Variants in CCDC148 observed in about 807,000 individuals in gnomAD.
The protein encoded by CCDC148 is coiled-coil domain containing 148, also known as coiled-coil domain-containing protein 148.
Under a neutral mutation model 85.7 loss-of-function variants are expected in CCDC148, and 89 were observed. The ratio of observed to expected loss-of-function variants is 1.04; its 90% CI spans 0.87 to 1.24. CCDC148 has a LOEUF of 1.24. CCDC148 is among the 50% of genes most tolerant of loss of function. The pLI is 0.00. For missense variants in CCDC148, 692 were observed against 671.7 expected (o/e 1.03, Z -0.33); for synonymous variants, 230 against 213.9 (o/e 1.08, Z -0.66).
Position 158,382,021 on chromosome 2 carries a change from T to G in CCDC148, c.26-23451A>C, listed in dbSNP as rs145540011. Among the ~76,000 whole-genome samples the G allele has an allele frequency of 9.6e-3, 1,457 of 152,288 alleles. 19 individuals carry two copies. The highest frequency in any genetic ancestry group is 0.032 in the African/African-American group (1,350 of 41,556). On this transcript the variant is annotated intron_variant, in intron 1 of 13. Coordinates refer to ENST00000283233, the MANE Select transcript of CCDC148 (RefSeq NM_138803.4). ...TTAAGTCATGAGGGCTTCTTTCTTC[T>G]GAATGGGATTAGTGTCCTTACAAAA...
intron 1 of CCDC148, among the ~76,000 whole-genome samples, chr2:158,384,323 A>G (rs1333387915): frequency 2.6e-5 from 4 of 152,126 alleles, no homozygotes; most frequent in Non-Finnish European, 4.4e-5. Context: ...GTTTTATTCA[A>G]TGGTGATACA....
intron 1 of CCDC148, among the ~76,000 whole-genome samples, chr2:158,437,327 G>A (rs1451274061): frequency 1.3e-5 from 2 of 152,042 alleles, no homozygotes; most frequent in African/African-American, 2.4e-5. Flanking sequence ...TTCAACATAC[G>A]CAAATCAATA....
intron 1 of CCDC148, among the ~76,000 whole-genome samples, chr2:158,416,796 C>G (rs761125846): frequency 3.9e-5 from 6 of 152,178 alleles, no homozygotes; most frequent in Non-Finnish European, 7.4e-5. Flanking sequence ...ATCTTTATAG[C>G]AATGCCCCAC....
At chr2:158,224,783 TA>T (rs1159904043) in intron 10 of CCDC148, among the ~76,000 whole-genome samples, 2 of 152,126 alleles carry the variant, frequency 1.3e-5, no homozygotes, top group Non-Finnish European at 2.9e-5. Context: ...AGGCCTGCCC[TA>T]AAAGAGCTCC....
chr2:158,418,365 T>A (rs1375848850), intron 1 of CCDC148, among the ~76,000 whole-genome samples: 1 of 152,196 alleles, frequency 6.6e-6, no homozygotes, highest in Non-Finnish European at 1.5e-5. Context: ...AAGTCCAATA[T>A]AATAATATCA....
chr2:158,292,552 C>G (rs770435371), intron 9 of CCDC148, among the ~76,000 whole-genome samples: 10 of 152,172 alleles, frequency 6.6e-5, no homozygotes, highest in Non-Finnish European at 1.5e-4. Context: ...CCATCCGGAG[C>G]TAAGAGCAAG....
At chr2:158,281,894 C>A (rs1450223211) in intron 9 of CCDC148, among the ~76,000 whole-genome samples, 7 of 152,134 alleles carry the variant, frequency 4.6e-5, no homozygotes, top group East Asian at 3.9e-4. Flanking sequence ...TACTGGCAAA[C>A]CGAATCCAGC....
chr2:158,339,101 A>G lies in CCDC148; in HGVS notation c.487-16T>C. ...CAAAGTCAACCTATAGGACATTTGG[A>G]ACAAGTAGTAGGCAAATTATTGCAA... On this transcript the variant is annotated splice_polypyrimidine_tract_variant and intron_variant, in intron 5 of 13. Coordinates refer to ENST00000283233, the MANE Select transcript of CCDC148 (RefSeq NM_138803.4). The G allele has an allele frequency of 6.4e-7, 1 of 1,561,180 alleles. No homozygotes were observed.
chr2:158,375,139 C>T (rs1426043235), intron 1 of CCDC148, among the ~76,000 whole-genome samples: 2 of 151,982 alleles, frequency 1.3e-5, no homozygotes, highest in African/African-American at 4.8e-5. Flanking sequence ...CAAGTGGGTT[C>T]TACTGGTGAG....
At chr2:158,427,070 A>C (rs868143252) in intron 1 of CCDC148, among the ~76,000 whole-genome samples, 1 of 152,200 alleles carries the variant, frequency 6.6e-6, no homozygotes, top group Non-Finnish European at 1.5e-5. Flanking sequence ...GAAATAAATA[A>C]AAATAATAAA....
intron 7 of CCDC148, among the ~76,000 whole-genome samples, chr2:158,327,370 G>C (rs1280809363): frequency 6.6e-6 from 1 of 152,168 alleles, no homozygotes; most frequent in Admixed American, 6.6e-5. Flanking sequence ...AATAGTTTAT[G>C]ACTACATATT....
At chr2:158,438,353 T>G (rs996541268) in intron 1 of CCDC148, among the ~76,000 whole-genome samples, 1 of 152,072 alleles carries the variant, frequency 6.6e-6, no homozygotes, top group Non-Finnish European at 1.5e-5. Flanking sequence ...TTGACAAACC[T>G]GACAAAAACA....
Position 158,353,110 on chromosome 2 carries a change from C to T in CCDC148, c.147+5339G>A, listed in dbSNP as rs184937829. Reference sequence around the variant, plus strand: ...ACGGAAAAGAACAACCGGTACCAGCCGCTGCAAAATCATGCCAAAATGTAA... The same window carrying T: ...ACGGAAAAGAACAACCGGTACCAGCTGCTGCAAAATCATGCCAAAATGTAA... On this transcript the variant is annotated intron_variant, in intron 2 of 13. Coordinates refer to ENST00000283233, the MANE Select transcript of CCDC148 (RefSeq NM_138803.4). Among the ~76,000 whole-genome samples, 952 of 151,362 alleles carry T rather than the reference C, an allele frequency of 6.3e-3. 10 individuals are homozygous for T. Among genetic ancestry groups the T allele is most frequent in the Admixed American group, 0.013 (192 of 15,186 alleles).
intron 10 of CCDC148, among the ~76,000 whole-genome samples, chr2:158,242,416 T>C (rs1370709770): frequency 6.6e-6 from 1 of 152,168 alleles, no homozygotes; most frequent in Non-Finnish European, 1.5e-5. Context: ...TGCATTTTCT[T>C]ATCATACAAA....
chr2:158,201,783 T>TA (rs550047928), intron 11 of CCDC148, among the ~76,000 whole-genome samples: 120 of 152,216 alleles, frequency 7.9e-4, no homozygotes, highest in African/African-American at 2.6e-3. Context: ...TGGGAGGGGT[T>TA]AAAAAAACAT....
At chr2:158,373,787 A>C (rs1684544841) in intron 1 of CCDC148, among the ~76,000 whole-genome samples, 1 of 151,940 alleles carries the variant, frequency 6.6e-6, no homozygotes. Context: ...TCTCATTCTA[A>C]TTATTTTCCT....
At chr2:158,452,291 G>A (rs1221449440) in intron 1 of CCDC148, among the ~76,000 whole-genome samples, 1 of 152,102 alleles carries the variant, frequency 6.6e-6, no homozygotes, top group Admixed American at 6.5e-5. Context: ...AGTTAGGAAA[G>A]GTGCTAGGAA....
chr2:158,220,754 A>C (rs575454158), intron 10 of CCDC148, 41 bp from the exon 11 acceptor site: 2 of 1,431,834 alleles, frequency 1.4e-6, no homozygotes, highest in South Asian at 1.3e-5. Context: ...TTAACAACAG[A>C]TATGTAAAAA....
chr2:158,342,889 T>C (rs915950258), intron 3 of CCDC148, among the ~76,000 whole-genome samples: 10 of 152,216 alleles, frequency 6.6e-5, no homozygotes, highest in African/African-American at 2.4e-4. Flanking sequence ...TGATTAAGCA[T>C]AACACAATTT....
Sources: allele counts gnomAD v4.1 joint callset (sites outside exome capture counted in the v4.1 genomes callset), GRCh38; gene constraint gnomAD v4.1.1; transcripts MANE v1.5; gene names NCBI Gene and HGNC (gene_info 2026-07-23, HGNC 2026-07-21).